MDGA2: variants seen among roughly 807,000 people sequenced by gnomAD.
MDGA2 encodes the protein MAM domain-containing glycosylphosphatidylinositol anchor protein 2.
MDGA2 carries 40 observed loss-of-function variants against 117.8 expected under a neutral mutation model. The observed-to-expected ratio is 0.34, with a 90% CI of 0.26 to 0.44. The LOEUF is 0.44. Among genes scored for constraint, MDGA2 ranks in the 20% least tolerant of loss-of-function variants. MDGA2 has a pLI of 1.00. For missense variants in MDGA2, 1,123 were observed against 1,250.6 expected (o/e 0.90, Z 1.54); for synonymous variants, 452 against 439.0 (o/e 1.03, Z -0.37).
intron 8 of MDGA2, among the ~76,000 whole-genome samples, chr14:47,028,523 C>G (rs1888552590): frequency 6.6e-6 from 1 of 152,094 alleles, no homozygotes. Flanking sequence ...TGTGTGTCTT[C>G]AAAATGAAGT....
chr14:46,850,751 T>G (rs1450552626), intron 15 of MDGA2, among the ~76,000 whole-genome samples: 1 of 151,884 alleles, frequency 6.6e-6, no homozygotes, highest in Non-Finnish European at 1.5e-5. Context: ...GAGTTTAACT[T>G]AACAATACTC....
intron 3 of MDGA2, among the ~76,000 whole-genome samples, chr14:47,171,032 T>C (rs1185945969): frequency 6.6e-6 from 1 of 152,174 alleles, no homozygotes; most frequent in Non-Finnish European, 1.5e-5. Flanking sequence ...AAATATAGGC[T>C]AATTCAAATA....
intron 2 of MDGA2, among the ~76,000 whole-genome samples, chr14:47,289,205 T>C (rs1430813157): frequency 1.3e-5 from 2 of 151,758 alleles, no homozygotes; most frequent in African/African-American, 4.8e-5. Flanking sequence ...ATAAATTGTG[T>C]TCAATAGGAC....
In MDGA2 at chr14:47,364,909, A is replaced by C. The variant is rs367971734; in HGVS notation, c.281-63359T>G. 3.3e-5 allele frequency among the ~76,000 whole-genome samples: 5 copies of C among 152,220 alleles called. No homozygotes were observed. The East Asian group carries it at 9.6e-4, about 29-fold the overall frequency. On this transcript the variant is annotated intron_variant, in intron 1 of 16. Transcript: ENST00000399232. ...GTAGAGCCAAAATGGAATTATTAGT[A>C]GTTTATAGGTAAAATAGAATTTCAT...
intron 2 of MDGA2, among the ~76,000 whole-genome samples, chr14:47,243,921 G>A (rs187719803): frequency 6.6e-6 from 1 of 151,896 alleles, no homozygotes; most frequent in African/African-American, 2.4e-5. Flanking sequence ...CTGGGTCTTA[G>A]TTTATGGCTT....
chr14:47,570,566 T>C (rs1896000561), intron 1 of MDGA2, among the ~76,000 whole-genome samples: 1 of 152,036 alleles, frequency 6.6e-6, no homozygotes, highest in Non-Finnish European at 1.5e-5. Flanking sequence ...AAGGTATATA[T>C]TCTCTTAAAA....
chr14:47,233,346 C>A (rs547063243), intron 2 of MDGA2, among the ~76,000 whole-genome samples: 4 of 151,878 alleles, frequency 2.6e-5, no homozygotes, highest in Admixed American at 2.6e-4. Flanking sequence ...ATTACAAAAC[C>A]GATATATTAA....
intron 1 of MDGA2, among the ~76,000 whole-genome samples, chr14:47,635,096 C>T (rs550910257): frequency 1.6e-4 from 24 of 152,120 alleles, no homozygotes; most frequent in Admixed American, 5.9e-4. Context: ...ACATTTAGAT[C>T]AGTAAATGGC....
intron 1 of MDGA2, among the ~76,000 whole-genome samples, chr14:47,590,382 A>T (rs1396499399): frequency 6.6e-6 from 1 of 152,060 alleles, no homozygotes; most frequent in East Asian, 1.9e-4. Flanking sequence ...TAGATCCCTA[A>T]GGATGAGTTG....
chr14:47,589,235 G>C (rs886786634), intron 1 of MDGA2, among the ~76,000 whole-genome samples: 1 of 151,792 alleles, frequency 6.6e-6, no homozygotes, highest in East Asian at 1.9e-4. Context: ...TTTTGATGTT[G>C]TTTCTAAGAA....
At chr14:47,099,131 AT>A (rs1359647729) in intron 5 of MDGA2, among the ~76,000 whole-genome samples, 1 of 151,946 alleles carries the variant, frequency 6.6e-6, no homozygotes, top group Non-Finnish European at 1.5e-5. Flanking sequence ...AATAGCCCAG[AT>A]AGACCACAAA....
At chr14:47,354,497 G>A (rs1259213467) in intron 1 of MDGA2, among the ~76,000 whole-genome samples, 1 of 152,054 alleles carries the variant, frequency 6.6e-6, no homozygotes, top group Admixed American at 6.6e-5. Flanking sequence ...GGAGTTTATT[G>A]TCCATTTTTA....
At chr14:46,996,493 G>GA (rs553802443) in intron 8 of MDGA2, 133 of 152,052 alleles carry the variant, frequency 8.7e-4, no homozygotes, top group Middle Eastern at 3.4e-3. Flanking sequence ...CGTCGTCTCA[G>GA]AAAAAAAATC....
At chr14:47,299,613 T>C (rs548990588) in intron 2 of MDGA2, 1 of 152,338 alleles carries the variant, frequency 6.6e-6, no homozygotes, top group African/African-American at 2.4e-5. Context: ...TTGAATTAAG[T>C]CTATCATTGT....
chr14:46,906,693 C>A (rs1380471206), intron 10 of MDGA2, among the ~76,000 whole-genome samples: 1 of 152,026 alleles, frequency 6.6e-6, no homozygotes, highest in Non-Finnish European at 1.5e-5. Flanking sequence ...TAATACAACT[C>A]TAGGAAGGGA....
intron 1 of MDGA2, among the ~76,000 whole-genome samples, chr14:47,648,639 G>T (rs958481367): frequency 2.0e-4 from 30 of 148,850 alleles, no homozygotes; most frequent in Non-Finnish European, 2.4e-4. Flanking sequence ...GTCAGAGAAA[G>T]ATCTATGGCA....
chr14:47,115,256 A>G (rs1881265046), intron 5 of MDGA2, among the ~76,000 whole-genome samples: 1 of 152,084 alleles, frequency 6.6e-6, no homozygotes, highest in Admixed American at 6.6e-5. Flanking sequence ...GTTGGGTCAC[A>G]ACTCAGACAA....
chr14:47,571,297 C>G (rs995639703), intron 1 of MDGA2, among the ~76,000 whole-genome samples: 1 of 152,164 alleles, frequency 6.6e-6, no homozygotes, highest in Non-Finnish European at 1.5e-5. Context: ...TGCTTTTACA[C>G]TGTTGGTGGG....
chr14:46,975,780 G>C (rs1010369792), intron 8 of MDGA2, among the ~76,000 whole-genome samples: 4 of 152,014 alleles, frequency 2.6e-5, no homozygotes, highest in Non-Finnish European at 4.4e-5. Flanking sequence ...TCTAAAGGCA[G>C]GGAAGTTCAA....
Sources: allele counts gnomAD v4.1 joint callset (sites outside exome capture counted in the v4.1 genomes callset), GRCh38; gene constraint gnomAD v4.1.1; transcripts MANE v1.5; gene names NCBI Gene and HGNC (gene_info 2026-07-23, HGNC 2026-07-21).